The following KIAA1671 variants were observed in gnomAD, a reference collection of about 807,000 sequenced individuals.
KIAA1671 encodes the protein KIAA1671.
A neutral mutation model predicts 131.2 loss-of-function variants in KIAA1671; 52 were observed. The observed-to-expected ratio is 0.40, with a 90% CI of 0.32 to 0.50. The LOEUF (loss-of-function observed/expected upper bound fraction) is 0.50. KIAA1671 is among the 20% of genes least tolerant of loss of function. The probability of loss-of-function intolerance (pLI) is 0.73; values close to 1 mark genes in which losing one functional copy is unlikely to be tolerated. For synonymous variants in KIAA1671, 1,003 were observed against 961.6 expected (o/e 1.04, Z -0.80); for missense variants, 2,360 against 2,364.2 (o/e 1.00, Z 0.04).
At chr22:24,978,984 C>T (rs1309177213) in intron 1 of KIAA1671, among the ~76,000 whole-genome samples, 1 of 150,152 alleles carries the variant, frequency 6.7e-6, no homozygotes, top group South Asian at 2.1e-4. Flanking sequence ...CACACCCAGC[C>T]AATCATCTTA....
chr22:25,039,178 A>T lies in KIAA1671; in HGVS notation c.2048A>T (p.Lys683Ile), dbSNP rs2145804486. Reference protein sequence around the residue: ...SRGFDNPETEKLGPTTLLNGE... With the variant: ...SRGFDNPETEILGPTTLLNGE... ...GGGTTTGACAATCCCGAGACGGAGA[A>T]ATTGGGACCAACCACCCTTTTGAAT... The change falls in exon 5 of 13, where the codon AAA (lysine) becomes ATA (isoleucine). Residue 683 changes from lysine (K) to isoleucine (I), a missense_variant. Lys to Ile is a moderately radical substitution (Grantham distance 102). Coordinates refer to ENST00000358431, the MANE Select transcript of KIAA1671 (RefSeq NM_001145206.2). 1 of 1,552,002 alleles carries T rather than the reference A, an allele frequency of 6.4e-7. No individual in the cohort carries two copies. The highest frequency in any genetic ancestry group is 2.4e-5 in the East Asian group (1 of 40,926).
intron 10 of KIAA1671, among the ~76,000 whole-genome samples, chr22:25,182,698 C>T (rs551173752): frequency 6.6e-6 from 1 of 152,314 alleles, no homozygotes; most frequent in African/African-American, 2.4e-5. Flanking sequence ...ACCTGCTGCT[C>T]TGGTGTCATA....
At chr22:25,060,710 G>T (rs368300818) in intron 6 of KIAA1671, 6 of 152,168 alleles carry the variant, frequency 3.9e-5, no homozygotes, top group African/African-American at 1.2e-4. Context: ...ATCCAGGGCC[G>T]CCAGTTTCTG....
Position 25,193,956 on chromosome 22 carries a change from G to A in KIAA1671, c.*1555G>A, listed in dbSNP as rs558621770. The A allele has an allele frequency of 2.0e-5, 3 of 152,296 alleles. No homozygotes were observed. The South Asian group carries it at 6.2e-4, about 32-fold the overall frequency. The allele number at this position is 152,296 out of a possible 1,614,324, so 9.4% of individuals were successfully genotyped here. A position where few individuals can be genotyped will look rare whatever the true frequency, so the allele number is the denominator to read the frequency against. Reference sequence around the variant, plus strand: ...CATCAGTTCTCCGTGGCCATTTGGGGATTCATGCCTGCAACTGCTTCAGTC... The same window carrying A: ...CATCAGTTCTCCGTGGCCATTTGGGAATTCATGCCTGCAACTGCTTCAGTC... On this transcript the variant is annotated 3_prime_UTR_variant, in exon 13 of 13. Transcript: ENST00000358431.
intron 6 of KIAA1671, among the ~76,000 whole-genome samples, chr22:25,152,178 T>G (rs1933066874): frequency 6.6e-6 from 1 of 152,218 alleles, no homozygotes. Flanking sequence ...TTAGATTGCT[T>G]CCAGTTTTTC....
At chr22:25,049,571 CCTT>C (rs1267621653) in intron 6 of KIAA1671, 8 of 538,350 alleles carry the variant, frequency 1.5e-5, no homozygotes, top group Admixed American at 3.4e-5. Context: ...GCTGGGGAAA[CCTT>C]CTTCCTCTTG....
At chr22:25,106,789 G>A (rs1345855175) in intron 6 of KIAA1671, among the ~76,000 whole-genome samples, 1 of 152,226 alleles carries the variant, frequency 6.6e-6, no homozygotes, top group Non-Finnish European at 1.5e-5. Flanking sequence ...AACAGGATGA[G>A]TATTACTTAT....
Position 25,040,204 on chromosome 22 carries a change from C to T in KIAA1671, c.3074C>T (p.Ala1025Val), listed in dbSNP as rs939663533. Residue 1025 changes from alanine (A) to valine (V), a missense_variant, in exon 5 of 13, where the codon GCG becomes GTG. Transcript: ENST00000358431. ...CAAGGGTCACCTGTGGAACCCAAGGCGACATTTTTTGCAGTCACCTATCAG... is the reference window on the plus strand; with the variant it reads ...CAAGGGTCACCTGTGGAACCCAAGGTGACATTTTTTGCAGTCACCTATCAG... The part of the protein sequence containing the change: ...VKQGSPVEPK[A>V]TFFAVTYQIP... 2.0e-5 allele frequency: 31 copies of T among 1,551,560 alleles called. 1 individual carries two copies. The highest frequency in any genetic ancestry group is 3.6e-5 in the South Asian group (3 of 84,058).
At chr22:25,047,760 A>G (rs534376165) in intron 5 of KIAA1671, among the ~76,000 whole-genome samples, 1 of 152,344 alleles carries the variant, frequency 6.6e-6, no homozygotes, top group South Asian at 2.1e-4. Context: ...GGCATGAGCT[A>G]CTGCGCCTGG....
intron 1 of KIAA1671, among the ~76,000 whole-genome samples, chr22:24,960,289 G>T (rs1921946663): frequency 6.6e-6 from 1 of 151,766 alleles, no homozygotes; most frequent in African/African-American, 2.4e-5. Flanking sequence ...GGTGGCTCGG[G>T]CCTGTAATCC....
intron 4 of KIAA1671, among the ~76,000 whole-genome samples, chr22:25,035,016 C>CATA (rs1482824234): frequency 3.4e-5 from 5 of 148,126 alleles, no homozygotes; most frequent in Non-Finnish European, 4.4e-5. Context: ...GGACTACAGG[C>CATA]ATAAGCCACT....
chr22:25,083,378 A>C (rs1328633458), intron 6 of KIAA1671, among the ~76,000 whole-genome samples: 1 of 152,144 alleles, frequency 6.6e-6, no homozygotes, highest in Non-Finnish European at 1.5e-5. Context: ...CCTATTTTCA[A>C]ATAATAGTCA....
chr22:25,003,673 A>G (rs996186916), intron 1 of KIAA1671, among the ~76,000 whole-genome samples: 1 of 151,970 alleles, frequency 6.6e-6, no homozygotes. Flanking sequence ...CGGCCTCCCA[A>G]AGTGCTGGGA....
At chr22:25,041,595 A>G in intron 5 of KIAA1671, 70 bp downstream of exon 5, 2 of 1,428,876 alleles carry the variant, frequency 1.4e-6, no homozygotes, top group Middle Eastern at 1.8e-4. Flanking sequence ...GCCGAAACTC[A>G]GATTTTGTGT....
At chr22:25,130,150 T>C (rs1568971688) in intron 6 of KIAA1671, among the ~76,000 whole-genome samples, 1 of 152,242 alleles carries the variant, frequency 6.6e-6, no homozygotes, top group Non-Finnish European at 1.5e-5. Flanking sequence ...AAGAATATTA[T>C]AAATAAATAC....
intron 5 of KIAA1671, among the ~76,000 whole-genome samples, chr22:25,047,109 T>G (rs1602096764): frequency 6.6e-6 from 1 of 151,444 alleles, no homozygotes; most frequent in African/African-American, 2.4e-5. Flanking sequence ...CAGCTGGGAC[T>G]ACAAGCACAT....
At chr22:24,981,661 C>A (rs771366193) in intron 1 of KIAA1671, among the ~76,000 whole-genome samples, 1 of 152,184 alleles carries the variant, frequency 6.6e-6, no homozygotes, top group Admixed American at 6.5e-5. Context: ...GTAATCCCAG[C>A]GCTTTGGGAG....
intron 6 of KIAA1671, among the ~76,000 whole-genome samples, chr22:25,087,202 A>C: frequency 7.5e-6 from 1 of 132,518 alleles, no homozygotes; most frequent in Non-Finnish European, 1.6e-5. Context: ...CCTCAGCTAC[A>C]TGTCTTGCTT....
intron 4 of KIAA1671, among the ~76,000 whole-genome samples, chr22:25,035,736 T>C (rs939936634): frequency 1.3e-5 from 2 of 152,132 alleles, no homozygotes; most frequent in Admixed American, 6.6e-5. Flanking sequence ...TGATTGTCAT[T>C]AAATTGGGGG....
Sources: allele counts gnomAD v4.1 joint callset (sites outside exome capture counted in the v4.1 genomes callset), GRCh38; gene constraint gnomAD v4.1.1; transcripts MANE v1.5; gene names NCBI Gene and HGNC (gene_info 2026-07-23, HGNC 2026-07-21).